The following ADCY3 variants were observed in gnomAD, a reference collection of about 807,000 sequenced individuals.
ADCY3 encodes the protein adenylate cyclase 3.
ADCY3 carries 70 observed loss-of-function variants against 119.4 expected under a neutral mutation model. The observed-to-expected ratio is 0.59, with a 90% confidence interval of 0.48 to 0.72. The LOEUF (loss-of-function observed/expected upper bound fraction) is 0.72, where lower values mean the gene tolerates loss of function less well. ADCY3 is among the 30% of genes least tolerant of loss of function. ADCY3 has a pLI of 0.00. For synonymous variants in ADCY3, 672 were observed against 621.4 expected (o/e 1.08, Z -1.21); for missense variants, 1,238 against 1,541.6 (o/e 0.80, Z 3.30).
At chr2:24,897,558 G>A (rs1357725478) in intron 2 of ADCY3, among the ~76,000 whole-genome samples, 2 of 152,142 alleles carry the variant, frequency 1.3e-5, no homozygotes, top group Middle Eastern at 3.2e-3. Flanking sequence ...TGCCCGGCGC[G>A]AAACAGGTGC....
chr2:24,893,346 G>A (rs1333985866), intron 2 of ADCY3, among the ~76,000 whole-genome samples: 1 of 151,462 alleles, frequency 6.6e-6, no homozygotes, highest in Non-Finnish European at 1.5e-5. Context: ...ACTCCAGCCT[G>A]GGCAGCAGAG....
At chr2:24,869,594 T>TG (rs1327351002) in intron 3 of ADCY3, among the ~76,000 whole-genome samples, 2 of 152,008 alleles carry the variant, frequency 1.3e-5, no homozygotes, top group East Asian at 1.9e-4. Context: ...TTTGTAGAGA[T>TG]GGGGTCTCGC....
At position 24,819,855 on chromosome 2, in the gene ADCY3, A is replaced by C; in HGVS notation, c.*77T>G. 6.8e-7 allele frequency: 1 copy of C among 1,474,700 alleles called. No homozygotes were observed. Among genetic ancestry groups the C allele is most frequent in the Non-Finnish European group, 9.2e-7 (1 of 1,081,624 alleles). 91.4% of individuals were successfully genotyped at this position (1,474,700 alleles called of 1,614,324 possible). On this transcript the variant is annotated 3_prime_UTR_variant, in exon 22 of 22. Transcript: ENST00000679454. ...AGTCCATGAGTGTGCACTTCAATCC[A>C]GGAAGGTCGGGACTTCCTTCAGTTT...
intron 3 of ADCY3, among the ~76,000 whole-genome samples, chr2:24,866,337 C>T (rs1401002056): frequency 6.6e-6 from 1 of 151,988 alleles, no homozygotes; most frequent in Non-Finnish European, 1.5e-5. Context: ...TGCCAGGTGG[C>T]TAAAGTGGGA....
rs1670952280 is a variant in ADCY3, at chr2:24,841,149, G to A, written c.1196+110C>T. 1.6e-6 allele frequency: 2 copies of A among 1,269,238 alleles called. No individual in the cohort carries two copies. The highest frequency in any genetic ancestry group is 3.1e-5 in the South Asian group (2 of 64,678). 78.6% of individuals were successfully genotyped at this position (1,269,238 alleles called of 1,614,324 possible). A position where few individuals can be genotyped will look rare whatever the true frequency, so the allele number is the denominator to read the frequency against. The stretch of plus-strand genomic sequence containing the variant: ...TGCTGTGTCCCAGTCTCTGCTTCCA[G>A]CAGATCCCCCACCCAGGGGCCATGG... On this transcript the variant is annotated intron_variant, in intron 6 of 21. Transcript: ENST00000679454. The surrounding 1 kb of genome is among the most constrained non-coding windows in gnomAD (Gnocchi z 5.8).
At chr2:24,824,147 A>G (rs951144112) in intron 17 of ADCY3, among the ~76,000 whole-genome samples, 9 of 152,258 alleles carry the variant, frequency 5.9e-5, no homozygotes, top group Admixed American at 5.2e-4. Flanking sequence ...GTCTTCTGAC[A>G]CATGGCCTCA....
intron 3 of ADCY3, among the ~76,000 whole-genome samples, chr2:24,866,636 C>T (rs920483801): frequency 2.0e-5 from 3 of 146,418 alleles, no homozygotes; most frequent in Non-Finnish European, 3.0e-5. Context: ...AAAATGCATA[C>T]CCATTGGTAT....
intron 20 of ADCY3, chr2:24,821,057 CA>C: frequency 1.6e-6 from 1 of 635,780 alleles, no homozygotes; most frequent in Non-Finnish European, 2.6e-6. Flanking sequence ...ACCCCCCCCC[CA>C]TATGCAGATT....
At chr2:24,917,496 C>T (rs1664594117) in intron 2 of ADCY3, among the ~76,000 whole-genome samples, 1 of 152,200 alleles carries the variant, frequency 6.6e-6, no homozygotes, top group Admixed American at 6.5e-5. Flanking sequence ...GCCTACTGTC[C>T]CTCAGGTCCC....
At chr2:24,900,593 A>G (rs1182459343) in intron 2 of ADCY3, among the ~76,000 whole-genome samples, 2 of 152,058 alleles carry the variant, frequency 1.3e-5, no homozygotes, top group Non-Finnish European at 1.5e-5. Context: ...TTTAGTCTAC[A>G]CCTAGAGAAA....
intron 12 of ADCY3, among the ~76,000 whole-genome samples, 192 bp downstream of exon 12, chr2:24,831,470 C>T (rs1193023207): frequency 6.6e-6 from 1 of 152,226 alleles, no homozygotes; most frequent in East Asian, 1.9e-4. Context: ...CCTGCCACAG[C>T]CTGGTGGCCC....
intron 8 of ADCY3, among the ~76,000 whole-genome samples, chr2:24,838,103 A>C: frequency 1.7e-5 from 2 of 115,152 alleles, no homozygotes; most frequent in South Asian, 2.7e-4. Context: ...CATCCACGTC[A>C]CTCCTGTGGC....
chr2:24,857,657 G>A (rs1046862958), intron 3 of ADCY3, among the ~76,000 whole-genome samples: 1 of 152,240 alleles, frequency 6.6e-6, no homozygotes, highest in Admixed American at 6.5e-5. Flanking sequence ...GATGGGCAGA[G>A]AGCAGCTGCC....
intron 12 of ADCY3, among the ~76,000 whole-genome samples, chr2:24,831,432 A>G (rs1402724999): frequency 6.6e-6 from 1 of 152,140 alleles, no homozygotes; most frequent in Admixed American, 6.5e-5. Flanking sequence ...AACAAGGCCC[A>G]CCACGGCCCA....
chr2:24,821,357 T>C lies in ADCY3; in HGVS notation c.3127+160A>G, dbSNP rs1378710110. The C allele has an allele frequency of 7.5e-6, 8 of 1,067,360 alleles. No individual in the cohort carries two copies. The African/African-American group carries it at 7.9e-5, about 11-fold the overall frequency. 66.1% of individuals were successfully genotyped at this position (1,067,360 alleles called of 1,614,324 possible). On this transcript the variant is annotated intron_variant, in intron 20 of 21. Coordinates refer to ENST00000679454, the MANE Select transcript of ADCY3 (RefSeq NM_004036.5). The stretch of plus-strand genomic sequence containing the variant: ...TTTGGTTTAGTCATCTAGAGTCGTC[T>C]GGACTAAAGGTCTTTCAGGTCTCCT...
At chr2:24,904,680 C>T (rs1024773801) in intron 2 of ADCY3, among the ~76,000 whole-genome samples, 2 of 151,992 alleles carry the variant, frequency 1.3e-5, no homozygotes, top group Non-Finnish European at 2.9e-5. Context: ...GCATCTCTGT[C>T]GCCCAGGCTG....
At chr2:24,884,299 T>C (rs2148893927) in intron 2 of ADCY3, among the ~76,000 whole-genome samples, 1 of 152,196 alleles carries the variant, frequency 6.6e-6, no homozygotes, top group East Asian at 1.9e-4. Flanking sequence ...CAGGTGATTC[T>C]CTTCTACAGA....
At chr2:24,873,393 G>A (rs548555806) in intron 2 of ADCY3, among the ~76,000 whole-genome samples, 1 of 152,296 alleles carries the variant, frequency 6.6e-6, no homozygotes, top group South Asian at 2.1e-4. Context: ...AAGCTATTGT[G>A]GGGGTGTCCT....
intron 2 of ADCY3, among the ~76,000 whole-genome samples, chr2:24,895,523 CT>C (rs1241854356): frequency 2.4e-4 from 36 of 152,054 alleles, no homozygotes; most frequent in African/African-American, 8.7e-4. Flanking sequence ...TCTCTCTGTT[CT>C]TTTGAGACTT....
Sources: gnomAD v4.1 joint callset for allele counts (sites outside exome capture counted in the v4.1 genomes callset) on GRCh38, gnomAD v4.1.1 for gene constraint, Gnocchi (gnomAD v3.1) non-coding constraint, MANE v1.5 for transcripts, NCBI Gene and HGNC (gene_info 2026-07-23, HGNC 2026-07-21) for gene names.